GNAO1: variants seen among roughly 807,000 people sequenced by gnomAD.
GNAO1 encodes the protein guanine nucleotide-binding protein G(o) subunit alpha.
For synonymous variants in GNAO1, 164 were observed against 180.7 expected (o/e 0.91, Z 0.74); for missense variants, 166 against 478.7 (o/e 0.35, Z 6.10).
intron 3 of GNAO1, among the ~76,000 whole-genome samples, chr16:56,288,301 A>G (rs1185302093): frequency 6.6e-6 from 1 of 152,202 alleles, no homozygotes; most frequent in African/African-American, 2.4e-5. Flanking sequence ...CAGAGAGCAG[A>G]GTGTCCTGAC....
At chr16:56,237,691 G>T (rs1452794560) in intron 2 of GNAO1, among the ~76,000 whole-genome samples, 1 of 152,100 alleles carries the variant, frequency 6.6e-6, no homozygotes, top group African/African-American at 2.4e-5. Flanking sequence ...GGTTTTGGTT[G>T]ACTTCAGCTC....
At chr16:56,294,776 G>A in intron 3 of GNAO1, among the ~76,000 whole-genome samples, 1 of 152,142 alleles carries the variant, frequency 6.6e-6, no homozygotes, top group Non-Finnish European at 1.5e-5. Context: ...ACTGACATTT[G>A]GATTGCCAGC....
At chr16:56,355,922 G>C (rs1044219628) in intron 8 of GNAO1, 181 bp from the exon 9 acceptor site, 1 of 152,272 alleles carries the variant, frequency 6.6e-6, no homozygotes, top group Admixed American at 6.5e-5. Flanking sequence ...TCTCAGGGGG[G>C]GGCCAGGCTT....
chr16:56,289,294 C>T (rs768063879), intron 3 of GNAO1, among the ~76,000 whole-genome samples: 1 of 152,110 alleles, frequency 6.6e-6, no homozygotes, highest in Non-Finnish European at 1.5e-5. Context: ...AGTTTGGAGC[C>T]GGGACCTCTT....
Position 56,351,240 on chromosome 16 carries a change from C to T in GNAO1, c.724-144C>T. ...GAGATGTGCTGTGAGGTGTAACTGA[C>T]TCAGGTTCCATCTGGCAGCCTCTCG... On this transcript the variant is annotated intron_variant, in intron 6 of 8. Transcript: ENST00000262493. This position sits in a 1 kb window ranked among gnomAD's most constrained non-coding sequence, Gnocchi z 6.1. The T allele has an allele frequency of 1.6e-6, 1 of 616,240 alleles. No individual in the cohort carries two copies. Among genetic ancestry groups the T allele is most frequent in the Admixed American group, 2.7e-5 (1 of 36,686 alleles). The allele number at this position is 616,240 out of a possible 1,614,324, so 38.2% of individuals were successfully genotyped here. A position where few individuals can be genotyped will look rare whatever the true frequency, so the allele number is the denominator to read the frequency against.
At chr16:56,343,417 G>A (rs2037825649) in intron 6 of GNAO1, among the ~76,000 whole-genome samples, 2 of 150,790 alleles carry the variant, frequency 1.3e-5, no homozygotes, top group South Asian at 2.1e-4. Flanking sequence ...GAGCCCAGGA[G>A]GTAGAGGCTG....
chr16:56,326,910 C>T lies in GNAO1; in HGVS notation c.304-1721C>T, dbSNP rs1225810267. Among the ~76,000 whole-genome samples the T allele has an allele frequency of 2.0e-5, 3 of 152,198 alleles. No homozygotes were observed. The highest frequency in any genetic ancestry group is 7.2e-5 in the African/African-American group (3 of 41,450). The stretch of plus-strand genomic sequence containing the variant: ...GACCCCTCTACCAGGCCCTGTCAGC[C>T]GTCCAGGGAGCTCTCGGCACAGGTG... On this transcript the variant is annotated intron_variant, in intron 3 of 8. Coordinates refer to ENST00000262493, the MANE Select transcript of GNAO1 (RefSeq NM_020988.3). The surrounding 1 kb of genome is among the most constrained non-coding windows in gnomAD (Gnocchi z 4.8).
chr16:56,191,782 T>TCCGCCG lies in GNAO1; in HGVS notation c.-445_-440dup, dbSNP rs1288079042. 4.6e-6 allele frequency: 1 copy of TCCGCCG among 216,938 alleles called. No homozygotes were observed. The highest frequency in any genetic ancestry group is 2.4e-5 in the African/African-American group (1 of 41,660). The allele number at this position is 216,938 out of a possible 1,614,324, so 13.4% of individuals were successfully genotyped here. A position where few individuals can be genotyped will look rare whatever the true frequency, so the allele number is the denominator to read the frequency against. On this transcript the variant is annotated 5_prime_UTR_variant, in exon 1 of 9. Transcript: ENST00000262493. The surrounding 1 kb of genome is among the most constrained non-coding windows in gnomAD (Gnocchi z 4.7). Reference sequence around the variant, plus strand: ...CGCCGCCGCCTCCTCCACCTCCTCCTCCGCCGCCGCCGCCTCCTCCTCCTC... The same window carrying TCCGCCG: ...CGCCGCCGCCTCCTCCACCTCCTCCTCCGCCGCCGCCGCCGCCGCCTCCTCCTCCTC...
intron 3 of GNAO1, among the ~76,000 whole-genome samples, chr16:56,290,249 C>G (rs1749089216): frequency 6.6e-6 from 1 of 152,176 alleles, no homozygotes; most frequent in African/African-American, 2.4e-5. Flanking sequence ...CTCTCAGACC[C>G]CTGGTATGTG....
At chr16:56,231,959 G>A (rs1324356867) in intron 2 of GNAO1, among the ~76,000 whole-genome samples, 1 of 152,086 alleles carries the variant, frequency 6.6e-6, no homozygotes, top group Non-Finnish European at 1.5e-5. Flanking sequence ...CTGGTTGGCA[G>A]ATCAGAGAGA....
chr16:56,283,491 G>A (rs749589693), intron 3 of GNAO1, among the ~76,000 whole-genome samples: 2 of 152,170 alleles, frequency 1.3e-5, no homozygotes, highest in African/African-American at 2.4e-5. Context: ...AAGAAATCTT[G>A]ACATTTAAGT....
At chr16:56,338,152 G>T (rs1358770369) in intron 6 of GNAO1, among the ~76,000 whole-genome samples, 1 of 152,156 alleles carries the variant, frequency 6.6e-6, no homozygotes, top group South Asian at 2.1e-4. Flanking sequence ...AGGAGCCGCC[G>T]CCCTGAGGGG....
intron 2 of GNAO1, among the ~76,000 whole-genome samples, chr16:56,261,894 G>A (rs1260979727): frequency 3.9e-5 from 6 of 152,158 alleles, no homozygotes; most frequent in Admixed American, 3.3e-4. Flanking sequence ...CTTCAATGCC[G>A]TCAAGACTCC....
intron 2 of GNAO1, among the ~76,000 whole-genome samples, chr16:56,207,161 G>A (rs1297041217): frequency 1.3e-5 from 2 of 152,224 alleles, no homozygotes; most frequent in Non-Finnish European, 1.5e-5. Flanking sequence ...AAACTGAGGC[G>A]AAAATAATTC....
At chr16:56,278,900 C>A (rs2037089024) in intron 3 of GNAO1, among the ~76,000 whole-genome samples, 1 of 152,128 alleles carries the variant, frequency 6.6e-6, no homozygotes, top group African/African-American at 2.4e-5. Flanking sequence ...TGCCCTGAGC[C>A]CAGTGCTGGG....
At chr16:56,347,325 A>AC (rs2037879540) in intron 6 of GNAO1, 1 of 985,138 alleles carries the variant, frequency 1.0e-6, no homozygotes, top group African/African-American at 1.7e-5. Flanking sequence ...GAAGGCAGTC[A>AC]CCCCCAGGCA....
chr16:56,213,410 G>A, intron 2 of GNAO1: 1 of 398,432 alleles, frequency 2.5e-6, no homozygotes, highest in South Asian at 1.3e-4. Flanking sequence ...AAAATACATA[G>A]TAGTATTATA....
intron 2 of GNAO1, among the ~76,000 whole-genome samples, chr16:56,208,417 CAAT>C (rs2036350304): frequency 2.2e-5 from 3 of 138,584 alleles, no homozygotes; most frequent in East Asian, 2.2e-4. Context: ...ATGCTGCTAT[CAAT>C]GTGTGTGTGT....
chr16:56,341,608 G>A (rs1330807521), intron 6 of GNAO1, among the ~76,000 whole-genome samples: 6 of 152,232 alleles, frequency 3.9e-5, no homozygotes, highest in African/African-American at 1.4e-4. Flanking sequence ...AAATCACAGA[G>A]CTTTGCAAGC....
Sources: allele counts gnomAD v4.1 joint callset (sites outside exome capture counted in the v4.1 genomes callset), GRCh38; gene constraint gnomAD v4.1.1; non-coding constraint Gnocchi (gnomAD v3.1); transcripts MANE v1.5; gene names NCBI Gene and HGNC (gene_info 2026-07-23, HGNC 2026-07-21).